Variants in DOK6 observed in about 807,000 individuals in gnomAD.
DOK6 encodes downstream of tyrosine kinase 6.
A neutral mutation model predicts 44.0 loss-of-function variants in DOK6; 22 were observed. That is an observed-to-expected ratio of 0.50 (90% confidence interval 0.36 to 0.71). The LOEUF (loss-of-function observed/expected upper bound fraction) is 0.71. DOK6 is among the 30% of genes least tolerant of loss of function. DOK6 has a pLI of 0.00. For missense variants in DOK6, 340 were observed against 416.4 expected (o/e 0.82, Z 1.60); for synonymous variants, 166 against 145.5 (o/e 1.14, Z -1.01).
chr18:69,728,231 A>G lies in DOK6; in HGVS notation c.600-10734A>G, dbSNP rs114179001. Among the ~76,000 whole-genome samples the G allele has an allele frequency of 2.9e-3, 435 of 152,334 alleles. 2 individuals are homozygous for G. The highest frequency in any genetic ancestry group is 0.01 in the African/African-American group (424 of 41,580). On this transcript the variant is annotated intron_variant, in intron 5 of 7. Coordinates refer to ENST00000382713, the MANE Select transcript of DOK6 (RefSeq NM_152721.6). Reference sequence around the variant, plus strand: ...AGTGTAACCTTTAGCTCACCTATCTAGAGACCAATTTATTTCACATTCCTG... The same window carrying G: ...AGTGTAACCTTTAGCTCACCTATCTGGAGACCAATTTATTTCACATTCCTG...
chr18:69,551,479 AC>A (rs1475861650), intron 1 of DOK6, among the ~76,000 whole-genome samples: 3 of 152,198 alleles, frequency 2.0e-5, no homozygotes, highest in Non-Finnish European at 4.4e-5. Flanking sequence ...TAAATCATTG[AC>A]TTAAAAGTAG....
intron 1 of DOK6, among the ~76,000 whole-genome samples, chr18:69,534,694 G>A (rs995408954): frequency 6.6e-6 from 1 of 151,734 alleles, no homozygotes; most frequent in African/African-American, 2.4e-5. Flanking sequence ...GCCAGCAGAT[G>A]AGCTCCCTAA....
intron 1 of DOK6, among the ~76,000 whole-genome samples, chr18:69,428,726 C>T (rs1431015129): frequency 6.6e-6 from 1 of 152,112 alleles, no homozygotes; most frequent in Non-Finnish European, 1.5e-5. Context: ...AACAAATCAG[C>T]TTTTTCCAAC....
At chr18:69,553,981 G>C (rs1488347645) in intron 1 of DOK6, among the ~76,000 whole-genome samples, 1 of 152,048 alleles carries the variant, frequency 6.6e-6, no homozygotes, top group Admixed American at 6.6e-5. Context: ...TCCTAGCAAA[G>C]GATCAATTCT....
rs183947719 is a variant in DOK6, at chr18:69,771,088, T to A, written c.856+13215T>A. On this transcript the variant is annotated intron_variant, in intron 7 of 7. Transcript: ENST00000382713. ...AATTCCAAGGTATAAATACATTAAGTTTAACTGAAATTAATAGTCAAATTT... is the reference window on the plus strand; with the variant it reads ...AATTCCAAGGTATAAATACATTAAGATTAACTGAAATTAATAGTCAAATTT... 1.7e-4 allele frequency among the ~76,000 whole-genome samples: 26 copies of A among 152,192 alleles called. 1 individual carries two copies. The East Asian group carries it at 4.2e-3, about 25-fold the overall frequency.
At chr18:69,578,546 T>C (rs12958772) in intron 2 of DOK6, among the ~76,000 whole-genome samples, 60,520 of 152,106 alleles carry the variant, frequency 0.4, 13,689 homozygotes, top group South Asian at 0.5. Context: ...TGTTATGACA[T>C]TATTTCCATC....
chr18:69,440,775 CACAT>C (rs1979115563), intron 1 of DOK6, among the ~76,000 whole-genome samples: 1 of 151,830 alleles, frequency 6.6e-6, no homozygotes, highest in Admixed American at 6.6e-5. Context: ...CACACACACA[CACAT>C]TTCTTTGACT....
At chr18:69,496,332 G>T (rs914754560) in intron 1 of DOK6, among the ~76,000 whole-genome samples, 6 of 152,204 alleles carry the variant, frequency 3.9e-5, no homozygotes, top group African/African-American at 1.4e-4. Flanking sequence ...GCTGCATACC[G>T]GGAGTTCCCA....
intron 7 of DOK6, among the ~76,000 whole-genome samples, chr18:69,785,360 G>A (rs543333854): frequency 2.4e-4 from 36 of 152,140 alleles, no homozygotes; most frequent in African/African-American, 6.5e-4. Flanking sequence ...AATTCTGTTC[G>A]TCCTGTTTTG....
At chr18:69,435,699 T>G (rs917314159) in intron 1 of DOK6, among the ~76,000 whole-genome samples, 2 of 152,238 alleles carry the variant, frequency 1.3e-5, no homozygotes, top group African/African-American at 4.8e-5. Context: ...AAAATCTTTT[T>G]ATTGGCTTAC....
rs139674907 is a variant in DOK6, at chr18:69,620,848, G to A, written c.289+21350G>A. ...CCTAGTCAGGTTTCGGCATCAGGACGTTGTGTTTTATGTACAAGAAACTTC... is the reference window on the plus strand; with the variant it reads ...CCTAGTCAGGTTTCGGCATCAGGACATTGTGTTTTATGTACAAGAAACTTC... On this transcript the variant is annotated intron_variant, in intron 3 of 7. Coordinates refer to ENST00000382713, the MANE Select transcript of DOK6 (RefSeq NM_152721.6). 3.2e-4 allele frequency among the ~76,000 whole-genome samples: 48 copies of A among 152,282 alleles called. 1 individual carries two copies. In the East Asian group the frequency reaches 8.3e-3, roughly 26 times the overall value.
At chr18:69,827,832 G>A (rs911284017) in intron 7 of DOK6, among the ~76,000 whole-genome samples, 1 of 151,916 alleles carries the variant, frequency 6.6e-6, no homozygotes, top group Admixed American at 6.6e-5. Flanking sequence ...ATATTGCGCA[G>A]AGAAGTCTCA....
At position 69,835,455 on chromosome 18, in the gene DOK6, A is replaced by G. The variant is rs186334748; in HGVS notation, c.857-5789A>G. 3.3e-3 allele frequency among the ~76,000 whole-genome samples: 462 copies of G among 141,500 alleles called. 3 individuals are homozygous for G. The Middle Eastern group carries it at 0.041, about 13-fold the overall frequency. 92.8% of individuals were successfully genotyped at this position (141,500 alleles called of 152,430 possible). ...ACTCCAGCCTGGGCGACAGAACGAG[A>G]CTCCGTCTCAAAAAAACAACAACAA... On this transcript the variant is annotated intron_variant, in intron 7 of 7. Transcript: ENST00000382713.
intron 2 of DOK6, among the ~76,000 whole-genome samples, chr18:69,585,435 G>A (rs570750489): frequency 1.3e-4 from 20 of 152,264 alleles, no homozygotes; most frequent in African/African-American, 4.8e-4. Flanking sequence ...TGTGCTAGAA[G>A]GAAAGTGTCT....
chr18:69,643,398 G>A (rs1266890169), intron 3 of DOK6, among the ~76,000 whole-genome samples: 1 of 152,146 alleles, frequency 6.6e-6, no homozygotes, highest in African/African-American at 2.4e-5. Context: ...GAGTCCTTTT[G>A]TTGCCTTTTA....
chr18:69,521,992 A>G (rs1348296), intron 1 of DOK6, among the ~76,000 whole-genome samples: 92,317 of 151,676 alleles, frequency 0.61, 28,889 homozygotes, highest in Non-Finnish European at 0.69. Flanking sequence ...CTTGATTTAT[A>G]TTTAAATATG....
chr18:69,463,663 G>A (rs184962739), intron 1 of DOK6, among the ~76,000 whole-genome samples: 173 of 151,744 alleles, frequency 1.1e-3, no homozygotes, highest in African/African-American at 3.7e-3. Context: ...GTGTATCTGC[G>A]TGTAAATATG....
chr18:69,793,524 T>C (rs1290330081), intron 7 of DOK6, among the ~76,000 whole-genome samples: 2 of 152,190 alleles, frequency 1.3e-5, no homozygotes, highest in Non-Finnish European at 2.9e-5. Context: ...TATGGTTGCA[T>C]TGACACCTAT....
rs556863094 is a variant in DOK6, at chr18:69,785,029, C to G, written c.856+27156C>G. Among the ~76,000 whole-genome samples, 29 of 152,292 alleles carry G rather than the reference C, an allele frequency of 1.9e-4. 1 individual carries two copies. Among genetic ancestry groups the G allele is most frequent in the African/African-American group, 6.7e-4 (28 of 41,580 alleles). Reference sequence around the variant, plus strand: ...CTATATGCTATAATTAAAGTACACTCAGTGTCCTTTTGATGGGATGGCAAA... The same window carrying G: ...CTATATGCTATAATTAAAGTACACTGAGTGTCCTTTTGATGGGATGGCAAA... On this transcript the variant is annotated intron_variant, in intron 7 of 7. Transcript: ENST00000382713.
Sources: gnomAD v4.1 joint callset for allele counts (sites outside exome capture counted in the v4.1 genomes callset) on GRCh38, gnomAD v4.1.1 for gene constraint, MANE v1.5 for transcripts, NCBI Gene and HGNC (gene_info 2026-07-23, HGNC 2026-07-21) for gene names.